Variants in ARHGEF10 observed in about 807,000 individuals in gnomAD.
ARHGEF10 encodes the protein Rho guanine nucleotide exchange factor 10.
Under a neutral mutation model 147.4 loss-of-function variants are expected in ARHGEF10, and 140 were observed. The observed-to-expected ratio is 0.95, with a 90% CI of 0.83 to 1.09. The LOEUF is 1.09. Among genes scored for constraint, ARHGEF10 ranks in the 50% least tolerant of loss-of-function variants. The pLI is 0.00. For synonymous variants in ARHGEF10, 902 were observed against 695.8 expected (o/e 1.30, Z -4.67); for missense variants, 2,222 against 1,752.7 (o/e 1.27, Z -4.78).
Position 1,880,064 on chromosome 8 carries a change from C to G in ARHGEF10, c.860C>G (p.Thr287Ser). 1 of 1,613,394 alleles carries G rather than the reference C, an allele frequency of 6.2e-7. No homozygotes were observed. The highest frequency in any genetic ancestry group is 8.5e-7 in the Non-Finnish European group (1 of 1,179,330). ...ATGCTGTAGCTTTCTCATGACCTAA[C>G]CCGTTTAAAGGAGCACTATGAGAAA... ...NHKKQLSHDLTRLKEHYEKKM... is the reference protein window; with the variant it reads ...NHKKQLSHDLSRLKEHYEKKM... Residue 287 changes from threonine (T) to serine (S), a missense_variant, in exon 9 of 29, where the codon ACC becomes AGC. Thr to Ser is a moderately conservative substitution (Grantham distance 58). Coordinates refer to ENST00000349830, the MANE Select transcript of ARHGEF10 (RefSeq NM_014629.4).
chr8:1,873,562 G>C (rs1176723339), intron 7 of ARHGEF10, among the ~76,000 whole-genome samples: 8 of 140,156 alleles, frequency 5.7e-5, no homozygotes, highest in African/African-American at 8.2e-5. Flanking sequence ...TGCCTTGAGA[G>C]GTGCCGCGGG....
At chr8:1,933,221 A>G (rs1279086475) in intron 25 of ARHGEF10, among the ~76,000 whole-genome samples, 1 of 152,228 alleles carries the variant, frequency 6.6e-6, no homozygotes, top group East Asian at 1.9e-4. Context: ...CTGTGAAGAT[A>G]TGGCCTCTCT....
intron 1 of ARHGEF10, among the ~76,000 whole-genome samples, chr8:1,840,652 G>GT (rs1421085318): frequency 2.6e-5 from 4 of 151,198 alleles, no homozygotes; most frequent in Non-Finnish European, 4.5e-5. Flanking sequence ...CGTGGGGACT[G>GT]TCCGGTGTGG....
rs780286151 is a variant in ARHGEF10 at position 1,909,332 on chromosome 8, T to G, written c.2005T>G (p.Tyr669Asp). The G allele has an allele frequency of 1.1e-5, 17 of 1,614,092 alleles. No individual in the cohort carries two copies. Among genetic ancestry groups the G allele is most frequent in the Non-Finnish European group, 1.4e-5 (16 of 1,180,048 alleles). ...HDSRVMSSQR[Y>D]LLKWSVPLGH... ...CAGCCGTGTGATGAGCAGCCAGAGG[T>G]ACTTGCTGAAGTGGAGCGTTCCACT... Residue 669 changes from tyrosine (Y) to aspartate (D), a missense_variant, in exon 18 of 29, where the codon TAC (tyrosine) becomes GAC (aspartate). Physicochemically the swap from Tyr to Asp is radical, Grantham distance 160. Coordinates refer to ENST00000349830, the MANE Select transcript of ARHGEF10 (RefSeq NM_014629.4).
rs777268344 is a variant in ARHGEF10 at position 1,860,036 on chromosome 8, C to T, written c.333C>T (p.Ser111=). The T allele has an allele frequency of 4.3e-5, 69 of 1,614,026 alleles. No individual in the cohort carries two copies. Among genetic ancestry groups the T allele is most frequent in the Admixed American group, 1.0e-4 (6 of 60,000 alleles). Residue 111 remains serine (S), a synonymous_variant, in exon 4 of 29, where the codon AGC becomes AGT. Transcript: ENST00000349830. ...ACCAGCCGCCCACCCCCGTGCCCAGCGCTGAGGAGGAGAATGTGGGTCTCC... is the reference window on the plus strand; with the variant it reads ...ACCAGCCGCCCACCCCCGTGCCCAGTGCTGAGGAGGAGAATGTGGGTCTCC... The part of the protein sequence containing the change: ...QEDQPPTPVP[S]AEEENVGLHV...
At chr8:1,908,379 C>T (rs1204247068) in intron 17 of ARHGEF10, among the ~76,000 whole-genome samples, 2 of 151,932 alleles carry the variant, frequency 1.3e-5, no homozygotes, top group South Asian at 2.1e-4. Flanking sequence ...TACAGGCACC[C>T]ACCACCACAC....
chr8:1,932,185 G>C lies in ARHGEF10; in HGVS notation c.3080-1615G>C, dbSNP rs558866966. Among the ~76,000 whole-genome samples, 6 of 152,334 alleles carry C rather than the reference G, an allele frequency of 3.9e-5. No individual in the cohort carries two copies. The East Asian group carries it at 1.2e-3, about 29-fold the overall frequency. ...TCTGCCCTGAGCCCACATATTTCTG[G>C]AGGTTGCCGTGTGCCGTGCTTTAAA... On this transcript the variant is annotated intron_variant, in intron 25 of 28. Coordinates refer to ENST00000349830, the MANE Select transcript of ARHGEF10 (RefSeq NM_014629.4).
intron 17 of ARHGEF10, among the ~76,000 whole-genome samples, chr8:1,908,227 A>ATCTTTTTTT (rs1811058170): frequency 9.1e-6 from 1 of 110,078 alleles, no homozygotes; most frequent in African/African-American, 3.8e-5. Flanking sequence ...CCACACTTTG[A>ATCTTTTTTT]TTTTTTTTTT....
At chr8:1,927,812 G>A (rs760309115) in intron 23 of ARHGEF10, among the ~76,000 whole-genome samples, 8 of 152,106 alleles carry the variant, frequency 5.3e-5, no homozygotes, top group Non-Finnish European at 1.0e-4. Context: ...GTGGTGGCAC[G>A]AGCCTATAGT....
At chr8:1,908,881 G>C (rs1194808331) in intron 17 of ARHGEF10, among the ~76,000 whole-genome samples, 4 of 152,206 alleles carry the variant, frequency 2.6e-5, no homozygotes, top group African/African-American at 9.7e-5. Flanking sequence ...AGTGGTTACA[G>C]TGTAGCCATA....
chr8:1,878,896 G>T (rs1478972453), intron 8 of ARHGEF10, among the ~76,000 whole-genome samples: 1 of 152,284 alleles, frequency 6.6e-6, no homozygotes, highest in Admixed American at 6.5e-5. Flanking sequence ...GGAGCGCTGG[G>T]CTCTGCATTT....
At chr8:1,879,816 G>T (rs564630812) in intron 8 of ARHGEF10, among the ~76,000 whole-genome samples, 7 of 152,194 alleles carry the variant, frequency 4.6e-5, no homozygotes, top group African/African-American at 1.4e-4. Flanking sequence ...GCCTCCTAAA[G>T]TGCTGGGATT....
At position 1,874,963 on chromosome 8, in the gene ARHGEF10, C is replaced by T. The variant is rs1463533545; in HGVS notation, c.680-1608C>T. On this transcript the variant is annotated intron_variant, in intron 7 of 28. Coordinates refer to ENST00000349830, the MANE Select transcript of ARHGEF10 (RefSeq NM_014629.4). ...AGTGCAGACACACACGGGGCTGTGT[C>T]GGGGATAGAGGTTCTAAGACAGTCT... Among the ~76,000 whole-genome samples, 3 of 5,924 alleles carry T rather than the reference C, an allele frequency of 5.1e-4. 1 individual carries two copies. The highest frequency in any genetic ancestry group is 6.9e-4 in the African/African-American group (1 of 1,456). 3.9% of individuals were successfully genotyped at this position (5,924 alleles called of 152,430 possible). A position where few individuals can be genotyped will look rare whatever the true frequency, so the allele number is the denominator to read the frequency against.
At chr8:1,896,251 G>A (rs1432748769) in intron 13 of ARHGEF10, 82 bp from the exon 14 acceptor site, 7 of 978,526 alleles carry the variant, frequency 7.2e-6, no homozygotes, top group African/African-American at 4.8e-5. Flanking sequence ...TTTTGAGGGC[G>A]AGTTTCAAAT....
In ARHGEF10 at chr8:1,905,601, C is replaced by G. The variant is rs756899414; in HGVS notation, c.1852C>G (p.Arg618Gly). 6.2e-7 allele frequency: 1 copy of G among 1,614,060 alleles called. No homozygotes were observed. The highest frequency in any genetic ancestry group is 2.2e-5 in the East Asian group (1 of 44,900). Residue 618 changes from arginine to glycine, a missense_variant, in exon 17 of 29, where the codon CGA (arginine) becomes GGA (glycine). Physicochemically the swap from Arg to Gly is moderately radical, Grantham distance 125. Coordinates refer to ENST00000349830, the MANE Select transcript of ARHGEF10 (RefSeq NM_014629.4). ...LLSSGSRYLIRSDDMIETVYN... is the reference protein window; with the variant it reads ...LLSSGSRYLIGSDDMIETVYN... ...CAGCAGTGGAAGCCGATACCTCATT[C>G]GATCAGATGATATGATAGAAACAGT...
At chr8:1,900,393 G>A (rs1022267145) in intron 15 of ARHGEF10, among the ~76,000 whole-genome samples, 1 of 152,026 alleles carries the variant, frequency 6.6e-6, no homozygotes, top group African/African-American at 2.4e-5. Context: ...ACTGAGTTAC[G>A]CTCTAGGAAA....
At position 1,898,631 on chromosome 8, in the gene ARHGEF10, T is replaced by A. The variant is rs1810213331; in HGVS notation, c.1650+106T>A. 5 of 1,082,290 alleles carry A rather than the reference T, an allele frequency of 4.6e-6. No individual in the cohort carries two copies. The Admixed American group carries it at 9.8e-5, about 21-fold the overall frequency. The allele number at this position is 1,082,290 out of a possible 1,614,324, so 67.0% of individuals were successfully genotyped here. On this transcript the variant is annotated intron_variant, in intron 15 of 28. Coordinates refer to ENST00000349830, the MANE Select transcript of ARHGEF10 (RefSeq NM_014629.4). ...CTTTGGAATGGCTGCCCCTCGGGCC[T>A]CCTCATCTCCTCTCTAGGCAGTTAC...
In ARHGEF10 at chr8:1,866,056, C is replaced by T. The variant is rs541586032; in HGVS notation, c.546-470C>T. Among the ~76,000 whole-genome samples the T allele has an allele frequency of 3.3e-5, 5 of 152,198 alleles. No homozygotes were observed. In the East Asian group the frequency reaches 5.8e-4, roughly 18 times the overall value. The stretch of plus-strand genomic sequence containing the variant: ...GTGGGACTCTGGTGGCCCATGTGAC[C>T]ACCCGCTGGGGGCAGAGCACCATGG... On this transcript the variant is annotated intron_variant, in intron 5 of 28. Coordinates refer to ENST00000349830, the MANE Select transcript of ARHGEF10 (RefSeq NM_014629.4).
intron 1 of ARHGEF10, among the ~76,000 whole-genome samples, chr8:1,825,635 C>T (rs1802728358): frequency 6.6e-6 from 1 of 151,962 alleles, no homozygotes; most frequent in African/African-American, 2.4e-5. Flanking sequence ...TCCATGGGCC[C>T]CTGGGCACTG....
Sources: allele counts gnomAD v4.1 joint callset (sites outside exome capture counted in the v4.1 genomes callset), GRCh38; gene constraint gnomAD v4.1.1; transcripts MANE v1.5; gene names NCBI Gene and HGNC (gene_info 2026-07-23, HGNC 2026-07-21).